ZNF573: variants seen among roughly 807,000 people sequenced by gnomAD.
The protein encoded by ZNF573 is zinc finger protein 573.
In ZNF573, 41 loss-of-function variants were observed where a neutral mutation model predicts 57.4. The observed-to-expected ratio is 0.71, with a 90% CI of 0.56 to 0.93. The LOEUF (loss-of-function observed/expected upper bound fraction) is 0.93, where lower values mean the gene tolerates loss of function less well. ZNF573 is among the 40% of genes least tolerant of loss of function. The probability of loss-of-function intolerance (pLI) is 0.00; values close to 1 mark genes in which losing one functional copy is unlikely to be tolerated. For synonymous variants in ZNF573, 249 were observed against 261.0 expected (o/e 0.95, Z 0.44); for missense variants, 730 against 794.8 (o/e 0.92, Z 0.98).
chr19:37,755,787 T>C (rs1368615854), intron 4 of ZNF573, among the ~76,000 whole-genome samples: 2 of 151,112 alleles, frequency 1.3e-5, no homozygotes, highest in African/African-American at 4.9e-5. Flanking sequence ...GCAAAAATGA[T>C]TTACTGTATT....
chr19:37,765,506 T>A (rs1568422541), intron 4 of ZNF573, among the ~76,000 whole-genome samples: 1 of 151,660 alleles, frequency 6.6e-6, no homozygotes, highest in African/African-American at 2.4e-5. Flanking sequence ...AGGTCGGGAG[T>A]TCGAGACCAG....
chr19:37,741,983 G>C (rs1044073370), intron 4 of ZNF573, among the ~76,000 whole-genome samples: 3 of 152,066 alleles, frequency 2.0e-5, no homozygotes, highest in African/African-American at 7.2e-5. Context: ...CAAGTCTCAG[G>C]GTACAAAATC....
rs889464483 is a variant in ZNF573 at position 37,740,085 on chromosome 19, T to G, written c.405A>C (p.Glu135Asp). 1.9e-6 allele frequency: 3 copies of G among 1,614,092 alleles called. No individual in the cohort carries two copies. The Admixed American group carries it at 5.0e-5, about 27-fold the overall frequency. ...TAAATTTCTTCTGACATTTCTTACATTCATAGAGTTTCTCTCTCTTATATA... is the reference window on the plus strand; with the variant it reads ...TAAATTTCTTCTGACATTTCTTACAGTCATAGAGTTTCTCTCTCTTATATA... ...QSIYKREKLY[E>D]CKKCQKKFSS... Residue 135 changes from glutamate (E) to aspartate (D), a missense_variant, in exon 5 of 5, where the codon GAA becomes GAC. Physicochemically the swap from Glu to Asp is conservative, Grantham distance 45 (BLOSUM62 2). Coordinates refer to ENST00000536220, the MANE Select transcript of ZNF573 (RefSeq NM_001172690.2).
chr19:37,775,210 G>T (rs1298527189), intron 1 of ZNF573, among the ~76,000 whole-genome samples: 17 of 152,040 alleles, frequency 1.1e-4, no homozygotes, highest in Admixed American at 9.8e-4. Context: ...TAGAGACAGG[G>T]TCTTACTATG....
intron 4 of ZNF573, among the ~76,000 whole-genome samples, chr19:37,745,468 G>C (rs2045372862): frequency 6.6e-6 from 1 of 152,008 alleles, no homozygotes; most frequent in Non-Finnish European, 1.5e-5. Flanking sequence ...CACGATCTCA[G>C]CTCTGCAACC....
At chr19:37,769,727 G>GAAA (rs397944905) in intron 4 of ZNF573, among the ~76,000 whole-genome samples, 1 of 55,198 alleles carries the variant, frequency 1.8e-5, no homozygotes, top group Non-Finnish European at 3.5e-5. Context: ...CTCTGTCTCG[G>GAAA]AAAAAAAAAA....
At chr19:37,760,136 T>C (rs1035688570) in intron 4 of ZNF573, among the ~76,000 whole-genome samples, 1 of 152,132 alleles carries the variant, frequency 6.6e-6, no homozygotes, top group African/African-American at 2.4e-5. Flanking sequence ...TAGCTGCCAG[T>C]TCAATGAGTT....
intron 3 of ZNF573, chr19:37,770,318 C>G (rs2045643479): frequency 2.5e-6 from 1 of 402,204 alleles, no homozygotes; most frequent in Non-Finnish European, 4.4e-6. Context: ...TAAAATGTCT[C>G]TTTCCAAATA....
chr19:37,773,127 T>C (rs1336773950), intron 2 of ZNF573: 1 of 248,406 alleles, frequency 4.0e-6, no homozygotes, highest in Non-Finnish European at 6.4e-6. Context: ...GCAGAACACA[T>C]TCAACCACAA....
intron 4 of ZNF573, among the ~76,000 whole-genome samples, chr19:37,748,304 A>G (rs2045400740): frequency 6.6e-6 from 1 of 152,222 alleles, no homozygotes; most frequent in East Asian, 1.9e-4. Context: ...AATGGTGGAA[A>G]GTGGGAGAGA....
chr19:37,763,247 T>C (rs2045569315), intron 4 of ZNF573, among the ~76,000 whole-genome samples: 1 of 77,396 alleles, frequency 1.3e-5, no homozygotes, highest in Admixed American at 1.3e-4. Context: ...AGAACAACTA[T>C]AGTTATATAT....
intron 4 of ZNF573, among the ~76,000 whole-genome samples, chr19:37,763,920 G>A (rs1489942136): frequency 2.6e-5 from 4 of 151,742 alleles, no homozygotes; most frequent in Non-Finnish European, 5.9e-5. Context: ...AAAATTAGCC[G>A]GGCATGGTAC....
intron 1 of ZNF573, among the ~76,000 whole-genome samples, chr19:37,779,338 A>T: frequency 6.6e-6 from 1 of 151,892 alleles, no homozygotes; most frequent in East Asian, 1.9e-4. Context: ...TCACGTGCGC[A>T]CTCAAATACC....
intron 1 of ZNF573, among the ~76,000 whole-genome samples, chr19:37,775,857 A>AC (rs1002417071): frequency 3.3e-5 from 5 of 149,406 alleles, no homozygotes; most frequent in African/African-American, 1.2e-4. Context: ...AAAAAAAAAA[A>AC]ACCACAAAAG....
Position 37,744,851 on chromosome 19 carries a change from G to A in ZNF573, c.296-4657C>T, listed in dbSNP as rs1260435809. Among the ~76,000 whole-genome samples, 6 of 151,060 alleles carry A rather than the reference G, an allele frequency of 4.0e-5. No individual in the cohort carries two copies. In the East Asian group the frequency reaches 9.7e-4, roughly 24 times the overall value. On this transcript the variant is annotated intron_variant, in intron 4 of 4. Coordinates refer to ENST00000536220, the MANE Select transcript of ZNF573 (RefSeq NM_001172690.2). ...GGTTGGAGTGCAGTGGTGCGATCTC[G>A]GCTCACTCCAAGCTCTGCCTCCCAG...
intron 4 of ZNF573, among the ~76,000 whole-genome samples, chr19:37,765,200 G>T (rs1447992055): frequency 6.6e-6 from 1 of 151,932 alleles, no homozygotes; most frequent in African/African-American, 2.4e-5. Flanking sequence ...GTCACTTACA[G>T]ATTTTTCTAT....
intron 4 of ZNF573, among the ~76,000 whole-genome samples, chr19:37,754,007 GC>G (rs2045463496): frequency 6.6e-6 from 1 of 152,120 alleles, no homozygotes; most frequent in African/African-American, 2.4e-5. Flanking sequence ...ATTATCAACA[GC>G]CGGGAAATGG....
At chr19:37,745,883 C>T (rs2045377827) in intron 4 of ZNF573, among the ~76,000 whole-genome samples, 2 of 152,010 alleles carry the variant, frequency 1.3e-5, no homozygotes. Context: ...AAAGACAATC[C>T]AAAGTCTGAG....
chr19:37,778,419 C>G (rs1378044902), intron 1 of ZNF573: 1 of 150,108 alleles, frequency 6.7e-6, no homozygotes, highest in African/African-American at 2.4e-5. Flanking sequence ...CCAGGCTGGT[C>G]TCGAACTCCT....
Sources: gnomAD v4.1 joint callset for allele counts (sites outside exome capture counted in the v4.1 genomes callset) on GRCh38, gnomAD v4.1.1 for gene constraint, MANE v1.5 for transcripts, NCBI Gene and HGNC (gene_info 2026-07-23, HGNC 2026-07-21) for gene names.